Variants in RIT2 observed in about 807,000 individuals in gnomAD.
The protein encoded by RIT2 is Ras like without CAAX 2.
Under a neutral mutation model 23.7 loss-of-function variants are expected in RIT2, and 24 were observed. The observed-to-expected ratio is 1.01, with a 90% CI of 0.73 to 1.43. The LOEUF (loss-of-function observed/expected upper bound fraction) is 1.43. Ranked by LOEUF, RIT2 falls within the 40% of genes most tolerant of loss-of-function variation. RIT2 has a pLI of 0.00. For missense variants in RIT2, 236 were observed against 266.9 expected (o/e 0.88, Z 0.81); for synonymous variants, 107 against 91.1 (o/e 1.17, Z -0.99).
intron 4 of RIT2, among the ~76,000 whole-genome samples, chr18:42,922,545 A>G (rs1909079142): frequency 6.6e-6 from 1 of 152,168 alleles, no homozygotes; most frequent in Non-Finnish European, 1.5e-5. Context: ...ACTTTGTACA[A>G]TGTGAGTCAT....
At chr18:42,929,934 A>AC (rs1909284531) in intron 3 of RIT2, among the ~76,000 whole-genome samples, 1 of 152,138 alleles carries the variant, frequency 6.6e-6, no homozygotes, top group African/African-American at 2.4e-5. Flanking sequence ...TCAGTGAGGA[A>AC]CATAGGCCTG....
intron 3 of RIT2, among the ~76,000 whole-genome samples, chr18:42,931,920 T>C (rs1358252454): frequency 1.3e-5 from 2 of 152,114 alleles, no homozygotes; most frequent in African/African-American, 2.4e-5. Context: ...AAAAATGATA[T>C]GGGACTCATG....
chr18:43,037,883 G>T (rs985943553), intron 1 of RIT2, among the ~76,000 whole-genome samples: 4 of 151,924 alleles, frequency 2.6e-5, no homozygotes, highest in Admixed American at 6.6e-5. Flanking sequence ...TTTATAGTCC[G>T]CTAGTTTTAC....
intron 2 of RIT2, among the ~76,000 whole-genome samples, chr18:42,990,531 A>C (rs948159829): frequency 1.3e-5 from 2 of 152,126 alleles, no homozygotes; most frequent in African/African-American, 4.8e-5. Flanking sequence ...CTTCTACAAA[A>C]CCTTGGGCAT....
intron 4 of RIT2, among the ~76,000 whole-genome samples, chr18:42,860,477 C>T (rs763013236): frequency 6.6e-6 from 1 of 152,134 alleles, no homozygotes; most frequent in African/African-American, 2.4e-5. Context: ...CCAGTGTTCT[C>T]ATTGCTTTTA....
At chr18:42,756,470 G>T (rs1013315091) in intron 4 of RIT2, among the ~76,000 whole-genome samples, 5 of 152,110 alleles carry the variant, frequency 3.3e-5, no homozygotes, top group African/African-American at 1.2e-4. Context: ...GGTTGCCATG[G>T]CAGCCAGTAG....
chr18:43,068,997 C>T (rs955135812), intron 1 of RIT2, among the ~76,000 whole-genome samples: 2 of 152,130 alleles, frequency 1.3e-5, no homozygotes, highest in Non-Finnish European at 2.9e-5. Context: ...AGCCTCTAGA[C>T]GTTTCCGGTT....
At chr18:42,854,657 A>G (rs1907137894) in intron 4 of RIT2, among the ~76,000 whole-genome samples, 1 of 152,206 alleles carries the variant, frequency 6.6e-6, no homozygotes, top group Non-Finnish European at 1.5e-5. Flanking sequence ...GTTGAACAAT[A>G]CTGAGAATTA....
intron 4 of RIT2, among the ~76,000 whole-genome samples, chr18:42,794,914 A>G (rs1306820693): frequency 6.6e-6 from 1 of 152,268 alleles, no homozygotes; most frequent in Non-Finnish European, 1.5e-5. Context: ...AGAGGCACAT[A>G]CCATTTACTT....
At chr18:42,879,816 A>G (rs115204195) in intron 4 of RIT2, among the ~76,000 whole-genome samples, 195 of 152,304 alleles carry the variant, frequency 1.3e-3, no homozygotes, top group African/African-American at 4.4e-3. Flanking sequence ...AAGTGGTTGG[A>G]CAGAACTTGT....
chr18:42,759,679 C>T (rs892020659), intron 4 of RIT2, among the ~76,000 whole-genome samples: 1 of 149,980 alleles, frequency 6.7e-6, no homozygotes, highest in Non-Finnish European at 1.5e-5. Flanking sequence ...AGACCTTAGA[C>T]AGCTAGAGCT....
At chr18:43,034,146 A>G (rs1911922206) in intron 1 of RIT2, among the ~76,000 whole-genome samples, 1 of 152,192 alleles carries the variant, frequency 6.6e-6, no homozygotes, top group Admixed American at 6.5e-5. Context: ...AGCTCTTGAC[A>G]TAATGAAAAT....
In RIT2 at chr18:43,075,296, A is replaced by G. The variant is rs935167434; in HGVS notation, c.103+40121T>C. Among the ~76,000 whole-genome samples, 14 of 152,146 alleles carry G rather than the reference A, an allele frequency of 9.2e-5. No homozygotes were observed. The East Asian group carries it at 2.7e-3, about 30-fold the overall frequency. On this transcript the variant is annotated intron_variant, in intron 1 of 4. Transcript: ENST00000326695. ...TAGTAATAAAAATCAGTTTTTTCACATTGATCTATATATGATACTAGCAAA... is the reference window on the plus strand; with the variant it reads ...TAGTAATAAAAATCAGTTTTTTCACGTTGATCTATATATGATACTAGCAAA...
At chr18:42,874,823 T>C (rs1029749431) in intron 4 of RIT2, among the ~76,000 whole-genome samples, 5 of 152,072 alleles carry the variant, frequency 3.3e-5, no homozygotes, top group African/African-American at 4.8e-5. Context: ...TTGTCCATAG[T>C]TGGGGAAAGA....
chr18:43,099,455 T>C (rs775855953), intron 1 of RIT2, among the ~76,000 whole-genome samples: 9 of 152,124 alleles, frequency 5.9e-5, no homozygotes, highest in African/African-American at 9.7e-5. Context: ...TCAGTCATTT[T>C]ATTAATATAA....
chr18:43,033,765 A>T (rs1358524821), intron 2 of RIT2, 46 bp downstream of exon 2: 2 of 1,314,782 alleles, frequency 1.5e-6, no homozygotes, highest in Admixed American at 3.7e-5. Flanking sequence ...CCACTTAGTC[A>T]CAGTGTCTTT....
chr18:42,743,484 G>C lies in RIT2; in HGVS notation c.*9C>G. 6.3e-7 allele frequency: 1 copy of C among 1,596,528 alleles called. No individual in the cohort carries two copies. Among genetic ancestry groups the C allele is most frequent in the East Asian group, 2.2e-5 (1 of 44,720 alleles). On this transcript the variant is annotated 3_prime_UTR_variant, in exon 5 of 5. Transcript: ENST00000326695. ...TTCAGAGAGCGTGAGGAACTCAAAAGCAAAGATATCATGTCATATTTTCTC... is the reference window on the plus strand; with the variant it reads ...TTCAGAGAGCGTGAGGAACTCAAAACCAAAGATATCATGTCATATTTTCTC...
chr18:43,106,763 G>A (rs1359229311), intron 1 of RIT2, among the ~76,000 whole-genome samples: 3 of 152,148 alleles, frequency 2.0e-5, no homozygotes, highest in African/African-American at 4.8e-5. Context: ...ATACTCTCAC[G>A]CTGAAGCTGT....
intron 2 of RIT2, among the ~76,000 whole-genome samples, chr18:43,002,192 G>A (rs1911123062): frequency 6.6e-6 from 1 of 151,970 alleles, no homozygotes; most frequent in African/African-American, 2.4e-5. Context: ...AGTTGAAGAA[G>A]TTGGAGTTCA....
Sources: allele counts gnomAD v4.1 joint callset (sites outside exome capture counted in the v4.1 genomes callset), GRCh38; gene constraint gnomAD v4.1.1; transcripts MANE v1.5; gene names NCBI Gene and HGNC (gene_info 2026-07-23, HGNC 2026-07-21).